XKR9: variants seen among roughly 807,000 people sequenced by gnomAD.
XKR9 encodes XK related 9.
In XKR9, 32 loss-of-function variants were observed where a neutral mutation model predicts 32.0. That is an observed-to-expected ratio of 1.00 (90% CI 0.76 to 1.34). The LOEUF is 1.34. XKR9 is among the 40% of genes most tolerant of loss of function. The probability of loss-of-function intolerance (pLI) is 0.00; values close to 1 mark genes in which losing one functional copy is unlikely to be tolerated. For missense variants in XKR9, 546 were observed against 429.7 expected, an observed-to-expected ratio of 1.27 and a Z score of -2.39; for synonymous variants, 168 against 143.4, an observed-to-expected ratio of 1.17 and a Z score of -1.22.
the XKR9 span, among the ~76,000 whole-genome samples, chr8:71,001,352 C>CTGAA: frequency 6.6e-6 from 1 of 152,100 alleles, no homozygotes; most frequent in Non-Finnish European, 1.5e-5. Context: ...GCCTCAACTC[C>CTGAA]CCGGGTTCAG....
chr8:70,901,127 A>G, the XKR9 span, among the ~76,000 whole-genome samples: 1 of 152,190 alleles, frequency 6.6e-6, no homozygotes, highest in Admixed American at 6.5e-5. Flanking sequence ...ATACGTGTGC[A>G]TGTGTCTTTA....
At chr8:70,765,293 C>A (rs963992707) in intron 2 of XKR9, among the ~76,000 whole-genome samples, 1 of 152,220 alleles carries the variant, frequency 6.6e-6, no homozygotes, top group African/African-American at 2.4e-5. Flanking sequence ...TTCTAACTGG[C>A]GTGAGATGGT....
chr8:70,700,844 T>C (rs6985299), intron 3 of XKR9, among the ~76,000 whole-genome samples: 60,871 of 151,770 alleles, frequency 0.4, 13,719 homozygotes, highest in Non-Finnish European at 0.52. Context: ...CCACGCAGTT[T>C]GAGCTTCCCA....
the XKR9 span, among the ~76,000 whole-genome samples, chr8:70,992,277 A>G: frequency 2.0e-5 from 3 of 152,194 alleles, no homozygotes; most frequent in South Asian, 6.2e-4. Flanking sequence ...CCTAAAACAT[A>G]CTGAGAAAAT....
intron 2 of XKR9, among the ~76,000 whole-genome samples, chr8:70,783,937 C>T (rs572570914): frequency 1.3e-5 from 2 of 152,108 alleles, no homozygotes; most frequent in Non-Finnish European, 2.9e-5. Flanking sequence ...TCAATTTTCC[C>T]GACACCATTT....
the XKR9 span, among the ~76,000 whole-genome samples, chr8:70,973,933 G>A: frequency 1.3e-5 from 2 of 152,124 alleles, no homozygotes; most frequent in East Asian, 1.9e-4. Context: ...GAATGTATAT[G>A]CTGCAGTTGT....
At chr8:70,755,610 G>A (rs1807211000) in intron 2 of XKR9, among the ~76,000 whole-genome samples, 1 of 151,912 alleles carries the variant, frequency 6.6e-6, no homozygotes, top group African/African-American at 2.4e-5. Context: ...TCCTTTGTAG[G>A]GACATGGATG....
the XKR9 span, among the ~76,000 whole-genome samples, chr8:70,903,995 T>A: frequency 6.6e-6 from 1 of 151,754 alleles, no homozygotes; most frequent in Non-Finnish European, 1.5e-5. Context: ...TACACTGTGG[T>A]CTGAGAGACA....
chr8:70,887,687 T>G, the XKR9 span, among the ~76,000 whole-genome samples: 1 of 152,124 alleles, frequency 6.6e-6, no homozygotes, highest in Non-Finnish European at 1.5e-5. Flanking sequence ...TTTATAGCAG[T>G]CATGAATAGG....
intron 4 of XKR9, among the ~76,000 whole-genome samples, chr8:70,722,816 T>C (rs1190820235): frequency 6.6e-6 from 1 of 152,172 alleles, no homozygotes; most frequent in Non-Finnish European, 1.5e-5. Context: ...GTATACTCTG[T>C]ATTTCCCGAA....
the XKR9 span, among the ~76,000 whole-genome samples, chr8:70,834,675 C>T: frequency 2.6e-5 from 4 of 152,162 alleles, no homozygotes; most frequent in African/African-American, 9.6e-5. Flanking sequence ...TAAATCCTTG[C>T]GTATATTCGT....
At chr8:70,748,211 A>T (rs998317952) in intron 2 of XKR9, among the ~76,000 whole-genome samples, 4 of 152,208 alleles carry the variant, frequency 2.6e-5, no homozygotes, top group Admixed American at 1.3e-4. Flanking sequence ...CTGCAGAGCC[A>T]GCAGGAGCAG....
At chr8:70,768,297 G>A (rs1308548246) in intron 2 of XKR9, among the ~76,000 whole-genome samples, 1 of 152,086 alleles carries the variant, frequency 6.6e-6, no homozygotes, top group African/African-American at 2.4e-5. Flanking sequence ...TGTTTGTTAT[G>A]ATTTCCATTT....
downstream of XKR9, among the ~76,000 whole-genome samples, chr8:70,793,516 T>A (rs915373715): frequency 2.0e-5 from 3 of 152,212 alleles, no homozygotes; most frequent in East Asian, 5.8e-4. Flanking sequence ...ACAAATACCT[T>A]CAGCAGATGT....
chr8:70,790,143 T>A (rs1174131695), exon 4 of XKR9: 1 of 151,890 alleles, frequency 6.6e-6, no homozygotes, highest in Non-Finnish European at 1.5e-5. Flanking sequence ...TTCGGCTGTT[T>A]CTTATAGCAA....
At chr8:70,745,556 A>G (rs988051570) in intron 2 of XKR9, among the ~76,000 whole-genome samples, 1 of 152,234 alleles carries the variant, frequency 6.6e-6, no homozygotes, top group East Asian at 1.9e-4. Context: ...TCTTTTTAGT[A>G]GGCATTAGGT....
the XKR9 span, among the ~76,000 whole-genome samples, chr8:70,799,411 A>G: frequency 6.6e-6 from 1 of 152,038 alleles, no homozygotes; most frequent in Non-Finnish European, 1.5e-5. Context: ...GATCACTGCA[A>G]CCTCCACCAC....
the XKR9 span, among the ~76,000 whole-genome samples, chr8:70,848,492 G>A: frequency 8.5e-5 from 13 of 152,108 alleles, no homozygotes; most frequent in South Asian, 2.7e-3. Context: ...TGGAAAGAAA[G>A]AAGTCAAACT....
chr8:70,717,923 A>G (rs532748343), intron 4 of XKR9, among the ~76,000 whole-genome samples: 1 of 152,242 alleles, frequency 6.6e-6, no homozygotes, highest in African/African-American at 2.4e-5. Flanking sequence ...CTCAAGTTCA[A>G]AGTCCCACAG....
Sources: allele counts gnomAD v4.1 joint callset (sites outside exome capture counted in the v4.1 genomes callset), GRCh38; gene constraint gnomAD v4.1.1; transcripts MANE v1.5; gene names NCBI Gene and HGNC (gene_info 2026-07-23, HGNC 2026-07-21).